Variants in GALK2 observed in about 807,000 individuals in gnomAD.
The protein encoded by GALK2 is N-acetylgalactosamine kinase.
A neutral mutation model predicts 52.4 loss-of-function variants in GALK2; 36 were observed. The ratio of observed to expected loss-of-function variants is 0.69; its 90% CI spans 0.53 to 0.91. The LOEUF (loss-of-function observed/expected upper bound fraction) is 0.91. GALK2 is among the 40% of genes least tolerant of loss of function. GALK2 has a pLI of 0.00. For missense variants in GALK2, 579 were observed against 559.1 expected, an observed-to-expected ratio of 1.04 and a Z score of -0.36; for synonymous variants, 176 against 199.1, an observed-to-expected ratio of 0.88 and a Z score of 0.98.
intron 3 of GALK2, among the ~76,000 whole-genome samples, chr15:49,357,424 A>G (rs1259559003): frequency 6.6e-6 from 1 of 151,488 alleles, no homozygotes; most frequent in Non-Finnish European, 1.5e-5. Context: ...TCCCACAGAA[A>G]TACAAACTAC....
intron 8 of GALK2, among the ~76,000 whole-genome samples, chr15:49,306,337 G>T (rs1182922555): frequency 6.6e-6 from 1 of 152,072 alleles, no homozygotes; most frequent in Non-Finnish European, 1.5e-5. Flanking sequence ...AGTAGAGATA[G>T]ATTTTTATTC....
At chr15:49,292,585 G>A (rs760611433) in intron 8 of GALK2, 48 bp downstream of exon 8, 19 of 1,474,718 alleles carry the variant, frequency 1.3e-5, no homozygotes, top group Non-Finnish European at 1.6e-5. Flanking sequence ...CTCACTTACA[G>A]CTGGAAGGTT....
At chr15:49,206,555 A>T (rs1196435393) in intron 2 of GALK2, among the ~76,000 whole-genome samples, 2 of 151,760 alleles carry the variant, frequency 1.3e-5, no homozygotes, top group Non-Finnish European at 2.9e-5. Context: ...TTTGTTAGGT[A>T]TATTCCTGAG....
downstream of GALK2, chr15:49,332,012 A>ATT (rs1343407849): frequency 1.0e-5 from 6 of 592,360 alleles, no homozygotes; most frequent in African/African-American, 1.9e-5. Flanking sequence ...AGGTACTCCT[A>ATT]TTATCCTATT....
At position 49,239,232 on chromosome 15, in the gene GALK2, T is replaced by C; in HGVS notation, c.369T>C (p.Gly123=). Residue 123 remains glycine (G), a synonymous_variant, in exon 5 of 10, where the codon GGT becomes GGC. Coordinates refer to ENST00000560031, the MANE Select transcript of GALK2 (RefSeq NM_002044.4). ...CCTTATATTCTTAGGAACACTTTGGTCTTAGTAACCTGACTGGAATGAACT... is the reference window on the plus strand; with the variant it reads ...CCTTATATTCTTAGGAACACTTTGGCCTTAGTAACCTGACTGGAATGAACT... ...CGLKGIQEHF[G]LSNLTGMNCL... The C allele has an allele frequency of 6.2e-7, 1 of 1,613,988 alleles. No homozygotes were observed. Among genetic ancestry groups the C allele is most frequent in the Non-Finnish European group, 8.5e-7 (1 of 1,179,886 alleles).
intron 5 of GALK2, among the ~76,000 whole-genome samples, chr15:49,249,766 T>C (rs1361315741): frequency 6.6e-6 from 1 of 152,214 alleles, no homozygotes; most frequent in Non-Finnish European, 1.5e-5. Context: ...AAGAAATCAA[T>C]GTACTTTATG....
chr15:49,193,537 C>G (rs575665440), intron 1 of GALK2, among the ~76,000 whole-genome samples: 1 of 151,738 alleles, frequency 6.6e-6, no homozygotes, highest in Admixed American at 6.6e-5. Context: ...ATTAGAAAAC[C>G]TTTCCCTTAA....
intron 5 of GALK2, among the ~76,000 whole-genome samples, chr15:49,261,843 TG>T (rs1418036504): frequency 6.6e-6 from 1 of 152,138 alleles, no homozygotes; most frequent in Non-Finnish European, 1.5e-5. Flanking sequence ...TTTTTGTCTT[TG>T]GTTCTGTTTA....
At chr15:49,300,318 C>T (rs1372052588) in intron 8 of GALK2, among the ~76,000 whole-genome samples, 1 of 151,886 alleles carries the variant, frequency 6.6e-6, no homozygotes, top group Non-Finnish European at 1.5e-5. Context: ...TTACTTTGAG[C>T]CTACATGTGT....
intron 8 of GALK2, among the ~76,000 whole-genome samples, chr15:49,314,457 G>A (rs1739508669): frequency 1.3e-5 from 2 of 152,200 alleles, no homozygotes; most frequent in African/African-American, 2.4e-5. Flanking sequence ...GAGGATGCTA[G>A]TGAGTATAAA....
chr15:49,330,600 A>G lies in GALK2; in HGVS notation c.*2441A>G, dbSNP rs1395002920. ...TACAGTTTCCACAACTGCTTGTATAATAGTTTCCCTGACACTCAAATCATT... is the reference window on the plus strand; with the variant it reads ...TACAGTTTCCACAACTGCTTGTATAGTAGTTTCCCTGACACTCAAATCATT... On this transcript the variant is annotated 3_prime_UTR_variant, in exon 10 of 10. Transcript: ENST00000560031. 2 of 152,168 alleles carry G rather than the reference A, an allele frequency of 1.3e-5. No individual in the cohort carries two copies. The highest frequency in any genetic ancestry group is 2.9e-5 in the Non-Finnish European group (2 of 68,040). 9.4% of individuals were successfully genotyped at this position (152,168 alleles called of 1,614,324 possible).
chr15:49,313,309 A>G (rs1343615766), intron 8 of GALK2, among the ~76,000 whole-genome samples: 1 of 152,228 alleles, frequency 6.6e-6, no homozygotes, highest in Non-Finnish European at 1.5e-5. Flanking sequence ...GTTGTTTGTA[A>G]TCTTTGTGTA....
At chr15:49,200,161 A>C (rs641077) in intron 1 of GALK2, among the ~76,000 whole-genome samples, 41,799 of 152,034 alleles carry the variant, frequency 0.27, 6,244 homozygotes, top group East Asian at 0.43. Flanking sequence ...TGAGAGTATC[A>C]AGTTATTAAA....
chr15:49,238,233 G>C (rs745388291), intron 4 of GALK2, among the ~76,000 whole-genome samples: 47 of 152,126 alleles, frequency 3.1e-4, no homozygotes, highest in Non-Finnish European at 5.7e-4. Flanking sequence ...TTGAGAAGGA[G>C]GTAGACTTGA....
At chr15:49,258,823 T>C (rs867043368) in intron 5 of GALK2, among the ~76,000 whole-genome samples, 5 of 140,014 alleles carry the variant, frequency 3.6e-5, no homozygotes, top group Admixed American at 3.5e-4. Context: ...TGTGTGTGTG[T>C]GTGTGTGAGA....
chr15:49,322,440 T>C, intron 9 of GALK2, among the ~76,000 whole-genome samples: 1 of 152,240 alleles, frequency 6.6e-6, no homozygotes, highest in Non-Finnish European at 1.5e-5. Context: ...ATTAATTTTT[T>C]CTTTGCTGTC....
intron 1 of GALK2, among the ~76,000 whole-genome samples, chr15:49,174,862 C>G (rs929730097): frequency 6.6e-6 from 1 of 152,006 alleles, no homozygotes; most frequent in Non-Finnish European, 1.5e-5. Context: ...ATATGTCATC[C>G]AAATGACCAC....
Position 49,328,454 on chromosome 15 carries a change from C to A in GALK2, c.*295C>A, listed in dbSNP as rs1481158923. The A allele has an allele frequency of 6.8e-7, 1 of 1,470,532 alleles. No individual in the cohort carries two copies. The highest frequency in any genetic ancestry group is 9.0e-7 in the Non-Finnish European group (1 of 1,111,106). The allele number at this position is 1,470,532 out of a possible 1,614,324, so 91.1% of individuals were successfully genotyped here. On this transcript the variant is annotated 3_prime_UTR_variant, in exon 10 of 10. Transcript: ENST00000560031. ...GATTTTAAAGATGAATGGTAAAACA[C>A]ACTCTTAATACTGATTACATGGATT...
At chr15:49,202,350 T>C (rs2087855483) in intron 2 of GALK2, among the ~76,000 whole-genome samples, 1 of 152,130 alleles carries the variant, frequency 6.6e-6, no homozygotes, top group Non-Finnish European at 1.5e-5. Flanking sequence ...CTTCCTGCCC[T>C]CACTACATGT....
Sources: gnomAD v4.1 joint callset for allele counts (sites outside exome capture counted in the v4.1 genomes callset) on GRCh38, gnomAD v4.1.1 for gene constraint, MANE v1.5 for transcripts, NCBI Gene and HGNC (gene_info 2026-07-23, HGNC 2026-07-21) for gene names.